FOXC1: variants seen among roughly 807,000 people sequenced by gnomAD.
FOXC1 encodes the protein forkhead box protein C1.
A neutral mutation model predicts 8.1 loss-of-function variants in FOXC1; 5 were observed. The ratio of observed to expected loss-of-function variants is 0.62; its 90% CI spans 0.32 to 1.30. The LOEUF is 1.30. FOXC1 is among the 50% of genes most tolerant of loss of function. The pLI is 0.05. For missense variants in FOXC1, 942 were observed against 858.0 expected (o/e 1.10, Z -1.22); for synonymous variants, 552 against 417.2 (o/e 1.32, Z -3.94).
rs369046889 is a variant in FOXC1, at chr6:1,613,753, T to G, written c.*1646T>G. The G allele has an allele frequency of 4.4e-4, 100 of 226,176 alleles. No individual in the cohort carries two copies. In the Middle Eastern group the frequency reaches 7.6e-3, roughly 17 times the overall value. 14.0% of individuals were successfully genotyped at this position (226,176 alleles called of 1,614,324 possible). On this transcript the variant is annotated 3_prime_UTR_variant, in exon 1 of 1. Transcript: ENST00000645831. ...TCGGGGGGGTGGGGGGCTTGCAGTT[T>G]GTTTTGGAGATAATACAGTTTCCTG...
In FOXC1 at chr6:1,611,511, G is replaced by A. The variant is rs1170577808; in HGVS notation, c.1066G>A (p.Gly356Ser). The A allele has an allele frequency of 2.9e-6, 4 of 1,365,454 alleles. No individual in the cohort carries two copies. Among genetic ancestry groups the A allele is most frequent in the Admixed American group, 2.7e-5 (1 of 36,706 alleles). The allele number at this position is 1,365,454 out of a possible 1,614,324, so 84.6% of individuals were successfully genotyped here. Residue 356 changes from glycine to serine, a missense_variant, in exon 1 of 1, where the codon GGC becomes AGC. Around this residue, in one of 4 missense-constraint regions of FOXC1, gnomAD observed 726 missense variants for 599.6 expected, o/e 1.21. Transcript: ENST00000645831. The surrounding 1 kb of genome is among the most constrained non-coding windows in gnomAD (Gnocchi z 7.1). The stretch of plus-strand genomic sequence containing the variant: ...GCTGGCGCTCGGCGCCTACTCGCCC[G>A]GCCAGAGCTCCCTCTACAGCTCCCC... ...PPLALGAYSP[G>S]QSSLYSSPCS...
rs1256162161 is a variant in FOXC1, at chr6:1,612,567, T to C, written c.*460T>C. 4.0e-6 allele frequency: 1 copy of C among 251,766 alleles called. No individual in the cohort carries two copies. The highest frequency in any genetic ancestry group is 2.2e-5 in the African/African-American group (1 of 45,258). 15.6% of individuals were successfully genotyped at this position (251,766 alleles called of 1,614,324 possible). The stretch of plus-strand genomic sequence containing the variant: ...AAAGTCCCCGTTTATGAAAGTCGCT[T>C]TCTTTTTATTCATGGACTTGTTTTA... On this transcript the variant is annotated 3_prime_UTR_variant, in exon 1 of 1. Coordinates refer to ENST00000645831, the MANE Select transcript of FOXC1 (RefSeq NM_001453.3).
Position 1,611,001 on chromosome 6 carries a change from A to G in FOXC1, c.556A>G (p.Lys186Glu), listed in dbSNP as rs927531711. The G allele has an allele frequency of 4.3e-6, 7 of 1,610,194 alleles. No individual in the cohort carries two copies. The highest frequency in any genetic ancestry group is 2.2e-5 in the East Asian group (1 of 44,724). ...KKDAVKDKEE[K>E]DRLHLKEPPP... ...GGACGCGGTGAAGGACAAGGAGGAG[A>G]AGGACAGGCTGCACCTCAAGGAGCC... Residue 186 changes from lysine (K) to glutamate (E), a missense_variant, in exon 1 of 1, where the codon AAG becomes GAG. Lys to Glu is a moderately conservative substitution (Grantham distance 56, BLOSUM62 1). Transcript: ENST00000645831. This position sits in a 1 kb window ranked among gnomAD's most constrained non-coding sequence, Gnocchi z 7.1.
rs1762510369 is a variant in FOXC1, at chr6:1,610,242, C to T, written c.-204C>T. ...GCAGCGACCCCGCCTCGCGGCCGCG[C>T]GGGCCCCGAGGTAGCCCGAGGCGCC... On this transcript the variant is annotated 5_prime_UTR_variant, in exon 1 of 1. Coordinates refer to ENST00000645831, the MANE Select transcript of FOXC1 (RefSeq NM_001453.3). 1.8e-5 allele frequency: 3 copies of T among 162,336 alleles called. No individual in the cohort carries two copies. The highest frequency in any genetic ancestry group is 1.3e-4 in the Admixed American group (2 of 15,220). 10.1% of individuals were successfully genotyped at this position (162,336 alleles called of 1,614,324 possible).
chr6:1,610,522 A>G lies in FOXC1; in HGVS notation c.77A>G (p.Tyr26Cys). ...TACCTCGGCGGCGAGCAGAGCTACT[A>G]CCGCGCGGCGGCCGCGGCGGCCGGG... ...VPYLGGEQSY[Y>C]RAAAAAAGGG... Residue 26 changes from tyrosine to cysteine, a missense_variant, in exon 1 of 1, where the codon TAC becomes TGC. Tyr to Cys is a radical substitution (Grantham distance 194, BLOSUM62 -2). Around this residue, in one of 4 missense-constraint regions of FOXC1, gnomAD observed 190 missense variants for 176.8 expected, o/e 1.07. Coordinates refer to ENST00000645831, the MANE Select transcript of FOXC1 (RefSeq NM_001453.3). 1 of 1,528,814 alleles carries G rather than the reference A, an allele frequency of 6.5e-7. No individual in the cohort carries two copies. Among genetic ancestry groups the G allele is most frequent in the Non-Finnish European group, 8.8e-7 (1 of 1,138,776 alleles). The allele number at this position is 1,528,814 out of a possible 1,614,324, so 94.7% of individuals were successfully genotyped here.
Position 1,613,785 on chromosome 6 carries a change from G to T in FOXC1, c.*1678G>T, listed in dbSNP as rs1260477978. 1.8e-5 allele frequency: 4 copies of T among 225,618 alleles called. No homozygotes were observed. The highest frequency in any genetic ancestry group is 9.1e-5 in the African/African-American group (4 of 43,996). 14.0% of individuals were successfully genotyped at this position (225,618 alleles called of 1,614,324 possible). On this transcript the variant is annotated 3_prime_UTR_variant, in exon 1 of 1. Coordinates refer to ENST00000645831, the MANE Select transcript of FOXC1 (RefSeq NM_001453.3). ...GAGATAATACAGTTTCCTGCTATCTGCCGCTCCTATCTAGAGGCAACACTT... is the reference window on the plus strand; with the variant it reads ...GAGATAATACAGTTTCCTGCTATCTTCCGCTCCTATCTAGAGGCAACACTT...
chr6:1,609,957 T>A lies in FOXC1; in HGVS notation c.-489T>A, dbSNP rs1581372985. Reference sequence around the variant, plus strand: ...TTTTCCCAATGCTTCCTTAAGCGGCTGGCGCGCGAGAGACCGAGAAAAGGT... The same window carrying A: ...TTTTCCCAATGCTTCCTTAAGCGGCAGGCGCGCGAGAGACCGAGAAAAGGT... On this transcript the variant is annotated 5_prime_UTR_variant, in exon 1 of 1. Coordinates refer to ENST00000645831, the MANE Select transcript of FOXC1 (RefSeq NM_001453.3). The A allele has an allele frequency of 6.9e-6, 1 of 144,212 alleles. No homozygotes were observed. The highest frequency in any genetic ancestry group is 1.5e-5 in the Non-Finnish European group (1 of 66,776). 8.9% of individuals were successfully genotyped at this position (144,212 alleles called of 1,614,324 possible). A position where few individuals can be genotyped will look rare whatever the true frequency, so the allele number is the denominator to read the frequency against.
Position 1,611,023 on chromosome 6 carries a change from A to G in FOXC1, c.578A>G (p.Glu193Gly). The change falls in exon 1 of 1, where the codon GAG becomes GGG. Residue 193 changes from glutamate to glycine, a missense_variant. Physicochemically the swap from Glu to Gly is moderately conservative, Grantham distance 98. This residue lies in a region of FOXC1 where 726 missense variants were observed against 599.6 expected (regional missense o/e 1.21). Coordinates refer to ENST00000645831, the MANE Select transcript of FOXC1 (RefSeq NM_001453.3). This position sits in a 1 kb window ranked among gnomAD's most constrained non-coding sequence, Gnocchi z 7.1. Reference sequence around the variant, plus strand: ...GAGAAGGACAGGCTGCACCTCAAGGAGCCGCCCCCGCCCGGCCGCCAGCCC... The same window carrying G: ...GAGAAGGACAGGCTGCACCTCAAGGGGCCGCCCCCGCCCGGCCGCCAGCCC... ...KEEKDRLHLKEPPPPGRQPPP... is the reference protein window; with the variant it reads ...KEEKDRLHLKGPPPPGRQPPP... 1 of 1,577,508 alleles carries G rather than the reference A, an allele frequency of 6.3e-7. No individual in the cohort carries two copies. Among genetic ancestry groups the G allele is most frequent in the Non-Finnish European group, 8.6e-7 (1 of 1,163,074 alleles).
In FOXC1 at chr6:1,611,171, G is replaced by GGCCGCCGCCCTGGGCAGCGGCAGC. The variant is rs773870097; in HGVS notation, c.735_758dup (p.Leu246_Ala253dup). The GGCCGCCGCCCTGGGCAGCGGCAGC allele has an allele frequency of 8.9e-6, 13 of 1,456,358 alleles. No individual in the cohort carries two copies. In the East Asian group the frequency reaches 1.2e-4, roughly 14 times the overall value. The allele number at this position is 1,456,358 out of a possible 1,614,324, so 90.2% of individuals were successfully genotyped here. ...CCTCGCCGCCCCAGCCCCTGTCCCC[G>GGCCGCCGCCCTGGGCAGCGGCAGC]GCCGCCGCCCTGGGCAGCGGCAGCG... is the stretch of plus-strand genomic sequence containing the variant. On this transcript the variant is annotated inframe_insertion, in exon 1 of 1. Transcript: ENST00000645831. The surrounding 1 kb of genome is among the most constrained non-coding windows in gnomAD (Gnocchi z 7.1).
At position 1,611,190 on chromosome 6, in the gene FOXC1, G is replaced by T. The variant is rs1561675271; in HGVS notation, c.745G>T (p.Gly249Cys). 4.1e-6 allele frequency: 6 copies of T among 1,459,518 alleles called. No individual in the cohort carries two copies. The South Asian group carries it at 5.1e-5, about 12-fold the overall frequency. The allele number at this position is 1,459,518 out of a possible 1,614,324, so 90.4% of individuals were successfully genotyped here. ...PLSPAAALGS[G>C]SAAAVPKIES... ...GTCCCCGGCCGCCGCCCTGGGCAGC[G>T]GCAGCGCCGCCGCGGTGCCCAAGAT... Residue 249 changes from glycine (G) to cysteine (C), a missense_variant, in exon 1 of 1, where the codon GGC (glycine) becomes TGC (cysteine). Gly to Cys is a radical substitution (Grantham distance 159, BLOSUM62 -3). Around this residue, in one of 4 missense-constraint regions of FOXC1, gnomAD observed 726 missense variants for 599.6 expected, o/e 1.21. Transcript: ENST00000645831. The surrounding 1 kb of genome is among the most constrained non-coding windows in gnomAD (Gnocchi z 7.1).
chr6:1,611,248 C>G lies in FOXC1; in HGVS notation c.803C>G (p.Ser268Cys). 7.0e-7 allele frequency: 1 copy of G among 1,432,916 alleles called. No homozygotes were observed. The highest frequency in any genetic ancestry group is 3.2e-5 in the East Asian group (1 of 31,110). 88.8% of individuals were successfully genotyped at this position (1,432,916 alleles called of 1,614,324 possible). The change falls in exon 1 of 1, where the codon TCC (serine) becomes TGC (cysteine). Residue 268 changes from serine to cysteine, a missense_variant. Ser to Cys is a moderately radical substitution (Grantham distance 112, BLOSUM62 -1). This residue lies in a region of FOXC1 where 726 missense variants were observed against 599.6 expected (regional missense o/e 1.21). Coordinates refer to ENST00000645831, the MANE Select transcript of FOXC1 (RefSeq NM_001453.3). This position sits in a 1 kb window ranked among gnomAD's most constrained non-coding sequence, Gnocchi z 7.1. Reference protein sequence around the residue: ...ESPDSSSSSLSSGSSPPGSLP... With the variant: ...ESPDSSSSSLCSGSSPPGSLP... ...CCCGACAGCAGCAGCAGCAGCCTGT[C>G]CAGCGGGAGCAGCCCCCCGGGCAGC...
In FOXC1 at chr6:1,611,179, C is replaced by G; in HGVS notation, c.734C>G (p.Ala245Gly). The G allele has an allele frequency of 1.4e-6, 2 of 1,460,862 alleles. No homozygotes were observed. The highest frequency in any genetic ancestry group is 1.8e-6 in the Non-Finnish European group (2 of 1,103,988). The allele number at this position is 1,460,862 out of a possible 1,614,324, so 90.5% of individuals were successfully genotyped here. A position where few individuals can be genotyped will look rare whatever the true frequency, so the allele number is the denominator to read the frequency against. The change falls in exon 1 of 1, where the codon GCC becomes GGC. Residue 245 changes from alanine (A) to glycine (G), a missense_variant. By Grantham distance (60) the Ala-to-Gly change is moderately conservative. Around this residue, in one of 4 missense-constraint regions of FOXC1, gnomAD observed 726 missense variants for 599.6 expected, o/e 1.21. Coordinates refer to ENST00000645831, the MANE Select transcript of FOXC1 (RefSeq NM_001453.3). The surrounding 1 kb of genome is among the most constrained non-coding windows in gnomAD (Gnocchi z 7.1). ...CCCCAGCCCCTGTCCCCGGCCGCCGCCCTGGGCAGCGGCAGCGCCGCCGCG... is the reference window on the plus strand; with the variant it reads ...CCCCAGCCCCTGTCCCCGGCCGCCGGCCTGGGCAGCGGCAGCGCCGCCGCG... ...SPPQPLSPAA[A>G]LGSGSAAAVP... is the part of the protein sequence containing the mutation.
At position 1,611,471 on chromosome 6, in the gene FOXC1, G is replaced by C; in HGVS notation, c.1026G>C (p.Ala342=). The change falls in exon 1 of 1, where the codon GCG becomes GCC. Residue 342 remains alanine (A), a synonymous_variant. Transcript: ENST00000645831. This position sits in a 1 kb window ranked among gnomAD's most constrained non-coding sequence, Gnocchi z 7.1. ...LLASAAASSR[A]GIAPPLALGA... The stretch of plus-strand genomic sequence containing the variant: ...CCTCGGCGGCCGCGTCCTCGCGCGC[G>C]GGGATCGCACCCCCGCTGGCGCTCG... 7.2e-7 allele frequency: 1 copy of C among 1,384,050 alleles called. No individual in the cohort carries two copies. The allele number at this position is 1,384,050 out of a possible 1,614,324, so 85.7% of individuals were successfully genotyped here.
Position 1,611,110 on chromosome 6 carries a change from G to C in FOXC1, c.665G>C (p.Arg222Pro). 1.4e-6 allele frequency: 2 copies of C among 1,380,802 alleles called. No individual in the cohort carries two copies. Among genetic ancestry groups the C allele is most frequent in the Non-Finnish European group, 1.9e-6 (2 of 1,055,112 alleles). The allele number at this position is 1,380,802 out of a possible 1,614,324, so 85.5% of individuals were successfully genotyped here. The change falls in exon 1 of 1, where the codon CGC becomes CCC. Residue 222 changes from arginine (R) to proline (P), a missense_variant. Physicochemically the swap from Arg to Pro is moderately radical, Grantham distance 103. Coordinates refer to ENST00000645831, the MANE Select transcript of FOXC1 (RefSeq NM_001453.3). This position sits in a 1 kb window ranked among gnomAD's most constrained non-coding sequence, Gnocchi z 7.1. ...NAPGPQPPPV[R>P]IQDIKTENGT... is the part of the protein sequence containing the mutation. Reference sequence around the variant, plus strand: ...CCCGGTCCGCAGCCGCCGCCCGTGCGCATCCAGGACATCAAGACCGAGAAC... The same window carrying C: ...CCCGGTCCGCAGCCGCCGCCCGTGCCCATCCAGGACATCAAGACCGAGAAC...
rs756088237 is a variant in FOXC1 at position 1,610,982 on chromosome 6, G to A, written c.537G>A (p.Ala179=). 5.0e-6 allele frequency: 8 copies of A among 1,612,810 alleles called. No individual in the cohort carries two copies. The highest frequency in any genetic ancestry group is 4.5e-5 in the East Asian group (2 of 44,836). ...RRRRRFKKKD[A]VKDKEEKDRL... is the part of the protein sequence containing the mutation. ...GGCGGCGCTTCAAGAAGAAGGACGC[G>A]GTGAAGGACAAGGAGGAGAAGGACA... Residue 179 remains alanine, a synonymous_variant, in exon 1 of 1, where the codon GCG becomes GCA. Coordinates refer to ENST00000645831, the MANE Select transcript of FOXC1 (RefSeq NM_001453.3).
At position 1,612,154 on chromosome 6, in the gene FOXC1, T is replaced by G. The variant is rs1762568543; in HGVS notation, c.*47T>G. The G allele has an allele frequency of 6.2e-7, 1 of 1,610,156 alleles. No individual in the cohort carries two copies. The highest frequency in any genetic ancestry group is 1.4e-5 in the African/African-American group (1 of 73,776). On this transcript the variant is annotated 3_prime_UTR_variant, in exon 1 of 1. Transcript: ENST00000645831. ...AATCGAACCCCAAAGCAGGAAAAGCTAAAGGAACCCATCAAGGCAAAATCG... is the reference window on the plus strand; with the variant it reads ...AATCGAACCCCAAAGCAGGAAAAGCGAAAGGAACCCATCAAGGCAAAATCG...
chr6:1,612,806 T>C lies in FOXC1; in HGVS notation c.*699T>C, dbSNP rs1581375665. The C allele has an allele frequency of 9.6e-6, 2 of 208,638 alleles. No homozygotes were observed. Among genetic ancestry groups the C allele is most frequent in the East Asian group, 1.7e-4 (2 of 12,084 alleles). The allele number at this position is 208,638 out of a possible 1,614,324, so 12.9% of individuals were successfully genotyped here. A position where few individuals can be genotyped will look rare whatever the true frequency, so the allele number is the denominator to read the frequency against. On this transcript the variant is annotated 3_prime_UTR_variant, in exon 1 of 1. Coordinates refer to ENST00000645831, the MANE Select transcript of FOXC1 (RefSeq NM_001453.3). ...TATTCATTGTTTGTTTATTAATAAA[T>C]TACCATTCAGTTTGAATGAGACCTA...
rs1251729952 is a variant in FOXC1, at chr6:1,611,807, G to GGC, written c.1363_1364insCG (p.Gly455AlafsTer22). The GGC allele has an allele frequency of 4.0e-5, 54 of 1,366,926 alleles. No individual in the cohort carries two copies. Among genetic ancestry groups the GGC allele is most frequent in the Non-Finnish European group, 2.8e-5 (29 of 1,036,992 alleles). The allele number at this position is 1,366,926 out of a possible 1,614,324, so 84.7% of individuals were successfully genotyped here. A position where few individuals can be genotyped will look rare whatever the true frequency, so the allele number is the denominator to read the frequency against. ...ACGGCGGCGGCGGCGGCGGCGGCGG[G>GGC]GGAGGCCAGGAGGCCGGCCACCACC... is the stretch of plus-strand genomic sequence containing the variant. On this transcript the variant is annotated frameshift_variant, in exon 1 of 1. Coordinates refer to ENST00000645831, the MANE Select transcript of FOXC1 (RefSeq NM_001453.3). LOFTEE classifies it high-confidence loss of function. The surrounding 1 kb of genome is among the most constrained non-coding windows in gnomAD (Gnocchi z 7.1).
chr6:1,611,655 G>C lies in FOXC1; in HGVS notation c.1210G>C (p.Ala404Pro). The C allele has an allele frequency of 7.3e-7, 1 of 1,373,542 alleles. No individual in the cohort carries two copies. 85.1% of individuals were successfully genotyped at this position (1,373,542 alleles called of 1,614,324 possible). Reference sequence around the variant, plus strand: ...CAACCTGCAAGCCATGAGCCTGTACGCGGCCGGCGAGCGCGGGGGCCACTT... The same window carrying C: ...CAACCTGCAAGCCATGAGCCTGTACCCGGCCGGCGAGCGCGGGGGCCACTT... ...HCNLQAMSLY[A>P]AGERGGHLQG... The change falls in exon 1 of 1, where the codon GCG becomes CCG. Residue 404 changes from alanine to proline, a missense_variant. Around this residue, in one of 4 missense-constraint regions of FOXC1, gnomAD observed 726 missense variants for 599.6 expected, o/e 1.21. Coordinates refer to ENST00000645831, the MANE Select transcript of FOXC1 (RefSeq NM_001453.3). This position sits in a 1 kb window ranked among gnomAD's most constrained non-coding sequence, Gnocchi z 7.1.
Sources: gnomAD v4.1 joint callset for allele counts on GRCh38, gnomAD v4.1.1 for gene constraint, gnomAD v4.1.1 regional missense constraint, Gnocchi (gnomAD v3.1) non-coding constraint, MANE v1.5 for transcripts, NCBI Gene and HGNC (gene_info 2026-07-23, HGNC 2026-07-21) for gene names.